The following PTK7 variants were observed in gnomAD, a reference collection of about 807,000 sequenced individuals.
PTK7 encodes the protein inactive tyrosine-protein kinase 7.
Under a neutral mutation model 116.6 loss-of-function variants are expected in PTK7, and 39 were observed. The observed-to-expected ratio is 0.33, with a 90% confidence interval of 0.26 to 0.44. The LOEUF (loss-of-function observed/expected upper bound fraction) is 0.44. PTK7 is among the 20% of genes least tolerant of loss of function. The pLI is 1.00. For synonymous variants in PTK7, 546 were observed against 563.6 expected, an observed-to-expected ratio of 0.97 and a Z score of 0.44; for missense variants, 1,169 against 1,425.6, an observed-to-expected ratio of 0.82 and a Z score of 2.90.
intron 1 of PTK7, among the ~76,000 whole-genome samples, chr6:43,094,950 T>C (rs2150382581): frequency 6.6e-6 from 1 of 151,110 alleles, no homozygotes. Context: ...GAGGCTGAGA[T>C]AGGAGAATTG....
At chr6:43,115,946 A>ATG (rs374748137) in intron 1 of PTK7, among the ~76,000 whole-genome samples, 2 of 68,694 alleles carry the variant, frequency 2.9e-5, no homozygotes, top group South Asian at 5.4e-4. Flanking sequence ...AAAAAAAAAA[A>ATG]AGGCAGTGGG....
chr6:43,124,576 C>T (rs901624000), intron 1 of PTK7, among the ~76,000 whole-genome samples: 2 of 152,090 alleles, frequency 1.3e-5, no homozygotes, highest in African/African-American at 2.4e-5. Context: ...CCTAGGAGGC[C>T]GAGGTGGGAG....
intron 1 of PTK7, among the ~76,000 whole-genome samples, chr6:43,096,038 C>T (rs904490248): frequency 6.6e-5 from 10 of 152,196 alleles, no homozygotes; most frequent in Admixed American, 6.5e-4. Context: ...CCTCCGATTC[C>T]ATATTTGTAT....
intron 1 of PTK7, among the ~76,000 whole-genome samples, chr6:43,112,242 T>TTTTATTTATTTA (rs36184350): frequency 2.1e-4 from 31 of 146,554 alleles, no homozygotes; most frequent in South Asian, 6.6e-4. Context: ...TGCTAGCCAG[T>TTTTATTTATTTA]TTTATTTATT....
chr6:43,104,103 A>G (rs1368176404), intron 1 of PTK7, among the ~76,000 whole-genome samples: 4 of 152,330 alleles, frequency 2.6e-5, no homozygotes, highest in East Asian at 1.9e-4. Context: ...TTTAATGACT[A>G]TTCTGGAGGA....
chr6:43,091,630 C>A, intron 1 of PTK7, among the ~76,000 whole-genome samples: 1 of 152,196 alleles, frequency 6.6e-6, no homozygotes, highest in East Asian at 1.9e-4. Flanking sequence ...TTACGGTAGT[C>A]ACCCCTTATC....
chr6:43,137,440 GTTCTA>G (rs955025144), intron 7 of PTK7, among the ~76,000 whole-genome samples: 4 of 152,220 alleles, frequency 2.6e-5, no homozygotes, highest in Admixed American at 2.6e-4. Flanking sequence ...TGACTAGATA[GTTCTA>G]TTGACTGAGA....
At position 43,159,023 on chromosome 6, in the gene PTK7, G is replaced by A. The variant is rs1019510500; in HGVS notation, c.2873+55G>A. ...CCCATTTTTTCCCAGAGGGTGAGGG[G>A]CAGAGGACAGATAGTTTGGGGGGTG... On this transcript the variant is annotated intron_variant, in intron 18 of 19. Coordinates refer to ENST00000230419, the MANE Select transcript of PTK7 (RefSeq NM_002821.5). The A allele has an allele frequency of 3.8e-6, 6 of 1,599,404 alleles. No individual in the cohort carries two copies. In the East Asian group the frequency reaches 6.7e-5, roughly 18 times the overall value.
intron 5 of PTK7, among the ~76,000 whole-genome samples, chr6:43,131,026 ACAT>A (rs1370962688): frequency 8.4e-6 from 1 of 118,888 alleles, no homozygotes; most frequent in East Asian, 2.3e-4. Flanking sequence ...TGTGGCAAAG[ACAT>A]CACACACACA....
At chr6:43,110,436 G>A (rs941644614) in intron 1 of PTK7, among the ~76,000 whole-genome samples, 2 of 150,594 alleles carry the variant, frequency 1.3e-5, no homozygotes, top group Non-Finnish European at 2.9e-5. Context: ...TTTTGAGATG[G>A]AATTTTGCTC....
Position 43,152,734 on chromosome 6 carries a change from T to TTATGTTATGTTATGTTATG in PTK7, c.2721+6037_2721+6038insATGTTATGTTATGTTATGT, listed in dbSNP as rs1771193942. ...AACAGAAGAACTGAATTTTATTTTA[T>TTATGTTATGTTATGTTATG]TTATGTTATGTTATGTTATGTTATG... On this transcript the variant is annotated intron_variant, in intron 17 of 19. Coordinates refer to ENST00000230419, the MANE Select transcript of PTK7 (RefSeq NM_002821.5). Among the ~76,000 whole-genome samples the TTATGTTATGTTATGTTATG allele has an allele frequency of 2.8e-5, 4 of 144,060 alleles. No individual in the cohort carries two copies. In the Admixed American group the frequency reaches 2.8e-4, roughly 10 times the overall value. The allele number at this position is 144,060 out of a possible 152,430, so 94.5% of individuals were successfully genotyped here.
intron 1 of PTK7, among the ~76,000 whole-genome samples, chr6:43,102,940 G>GA (rs1175215728): frequency 1.3e-5 from 2 of 150,834 alleles, no homozygotes; most frequent in East Asian, 1.9e-4. Flanking sequence ...TCACTTACAG[G>GA]AAAAAAAAAG....
rs1272651870 is a variant in PTK7, at chr6:43,158,813, C to G, written c.2722-4C>G. The stretch of plus-strand genomic sequence containing the variant: ...TGCTCTAACAGGCCCCTTTATCTCT[C>G]CAGGTGGCCCTATGCACCCAGGTAG... On this transcript the variant is annotated splice_polypyrimidine_tract_variant and splice_region_variant and intron_variant, in intron 17 of 19. Coordinates refer to ENST00000230419, the MANE Select transcript of PTK7 (RefSeq NM_002821.5). 6.2e-7 allele frequency: 1 copy of G among 1,613,560 alleles called. No individual in the cohort carries two copies.
intron 17 of PTK7, among the ~76,000 whole-genome samples, chr6:43,153,930 C>A (rs1771271426): frequency 6.6e-6 from 1 of 151,890 alleles, no homozygotes; most frequent in Admixed American, 6.6e-5. Flanking sequence ...CTTTGGGAGG[C>A]CGAGGCAGGT....
chr6:43,149,262 C>G (rs1364368078), intron 17 of PTK7, among the ~76,000 whole-genome samples: 4 of 151,644 alleles, frequency 2.6e-5, no homozygotes, highest in African/African-American at 9.7e-5. Flanking sequence ...ATTCCAGCTA[C>G]TCGGGAGGCT....
In PTK7 at chr6:43,129,523, C is replaced by A; in HGVS notation, c.368-204C>A. On this transcript the variant is annotated intron_variant, in intron 2 of 19. Coordinates refer to ENST00000230419, the MANE Select transcript of PTK7 (RefSeq NM_002821.5). This position sits in a 1 kb window ranked among gnomAD's most constrained non-coding sequence, Gnocchi z 4.5. ...ATGGAAAGGGCGGCCGAGCCCTTGG[C>A]CAAGTGTCAGACTTGACCTGCCAGG... 1 of 691,138 alleles carries A rather than the reference C, an allele frequency of 1.4e-6. No individual in the cohort carries two copies. The highest frequency in any genetic ancestry group is 2.4e-6 in the Non-Finnish European group (1 of 419,800). The allele number at this position is 691,138 out of a possible 1,614,324, so 42.8% of individuals were successfully genotyped here. A position where few individuals can be genotyped will look rare whatever the true frequency, so the allele number is the denominator to read the frequency against.
At position 43,076,795 on chromosome 6, in the gene PTK7, G is replaced by C. The variant is rs2150362694; in HGVS notation, c.79+228G>C. The C allele has an allele frequency of 7.1e-7, 1 of 1,409,360 alleles. No individual in the cohort carries two copies. Among genetic ancestry groups the C allele is most frequent in the African/African-American group, 1.5e-5 (1 of 68,372 alleles). 87.3% of individuals were successfully genotyped at this position (1,409,360 alleles called of 1,614,324 possible). ...GGGTACCCCTCCCACTCGCGCCGCG[G>C]GGACGCATTTCCAGCCTCCCTGAGT... On this transcript the variant is annotated intron_variant, in intron 1 of 19. Coordinates refer to ENST00000230419, the MANE Select transcript of PTK7 (RefSeq NM_002821.5). The surrounding 1 kb of genome is among the most constrained non-coding windows in gnomAD (Gnocchi z 5.7).
rs11375658 is a variant in PTK7, at chr6:43,099,235, C to CTT, written c.79+22682_79+22683dup. ...ATTCATAGCTTCCCAACTATTTTTC[C>CTT]TTTTTTTTTTTTTTTGAGATAGGGT... On this transcript the variant is annotated intron_variant, in intron 1 of 19. Transcript: ENST00000230419. 2.5e-3 allele frequency among the ~76,000 whole-genome samples: 338 copies of CTT among 137,020 alleles called. 4 individuals are homozygous for CTT. The highest frequency in any genetic ancestry group is 8.2e-3 in the African/African-American group (305 of 37,092). The allele number at this position is 137,020 out of a possible 152,430, so 89.9% of individuals were successfully genotyped here. A position where few individuals can be genotyped will look rare whatever the true frequency, so the allele number is the denominator to read the frequency against.
intron 1 of PTK7, among the ~76,000 whole-genome samples, chr6:43,120,302 A>G (rs569003185): frequency 1.8e-4 from 27 of 152,306 alleles, no homozygotes; most frequent in Non-Finnish European, 3.5e-4. Flanking sequence ...ACTGGGCACA[A>G]ATGTCTGCCC....
Sources: gnomAD v4.1 joint callset for allele counts (sites outside exome capture counted in the v4.1 genomes callset) on GRCh38, gnomAD v4.1.1 for gene constraint, Gnocchi (gnomAD v3.1) non-coding constraint, MANE v1.5 for transcripts, NCBI Gene and HGNC (gene_info 2026-07-23, HGNC 2026-07-21) for gene names.